HIPK2: variants seen among roughly 807,000 people sequenced by gnomAD.
HIPK2 encodes the protein homeodomain-interacting protein kinase 2.
A neutral mutation model predicts 113.7 loss-of-function variants in HIPK2; 27 were observed. The observed-to-expected ratio is 0.24, with a 90% confidence interval of 0.17 to 0.33. HIPK2 has a LOEUF of 0.33. Among genes scored for constraint, HIPK2 ranks in the 10% least tolerant of loss-of-function variants. The probability of loss-of-function intolerance (pLI) is 1.00; values close to 1 mark genes in which losing one functional copy is unlikely to be tolerated. For synonymous variants in HIPK2, 631 were observed against 642.2 expected (o/e 0.98, Z 0.26); for missense variants, 1,257 against 1,588.0 (o/e 0.79, Z 3.54).
intron 2 of HIPK2, among the ~76,000 whole-genome samples, chr7:139,634,557 A>G (rs1418415326): frequency 6.6e-6 from 1 of 151,472 alleles, no homozygotes; most frequent in East Asian, 1.9e-4. Flanking sequence ...TTCACTCATC[A>G]TTGTGTGTAA....
chr7:139,707,312 C>T (rs182017125), intron 2 of HIPK2, among the ~76,000 whole-genome samples: 1 of 152,272 alleles, frequency 6.6e-6, no homozygotes, highest in African/African-American at 2.4e-5. Context: ...AGCCCAATAC[C>T]CGCAAAGCCC....
chr7:139,753,382 T>A (rs912063224), intron 1 of HIPK2, among the ~76,000 whole-genome samples: 4 of 152,192 alleles, frequency 2.6e-5, no homozygotes, highest in African/African-American at 9.7e-5. Flanking sequence ...CCTTCCTACA[T>A]GTCACACCAT....
rs1800442159 is a variant in HIPK2, at chr7:139,626,656, G to C, written c.1564C>G (p.Leu522Val). ...GTCATGGTGACAAAGGGATGGTTCA[G>C]GGTTTCGATTGGAGTGATTCTCTTG... ...ADKRITPIET[L>V]NHPFVTMTHL... is the part of the protein sequence containing the mutation. The change falls in exon 6 of 15, where the codon CTG becomes GTG. Residue 522 changes from leucine (L) to valine (V), a missense_variant. By Grantham distance (32) the Leu-to-Val change is conservative. Transcript: ENST00000406875. 1 of 1,614,016 alleles carries C rather than the reference G, an allele frequency of 6.2e-7. No homozygotes were observed. Among genetic ancestry groups the C allele is most frequent in the South Asian group, 1.1e-5 (1 of 91,084 alleles).
intron 12 of HIPK2, among the ~76,000 whole-genome samples, chr7:139,593,521 G>C (rs1468792283): frequency 1.3e-5 from 2 of 152,192 alleles, no homozygotes; most frequent in South Asian, 2.1e-4. Context: ...AAAAATTCTA[G>C]GCTATATCAT....
chr7:139,773,523 G>A (rs1291071118), intron 1 of HIPK2, among the ~76,000 whole-genome samples: 1 of 151,520 alleles, frequency 6.6e-6, no homozygotes, highest in African/African-American at 2.4e-5. Flanking sequence ...AGAACAATAA[G>A]AAATGCTCAC....
At chr7:139,723,021 GC>G (rs1194088954) in intron 1 of HIPK2, among the ~76,000 whole-genome samples, 4 of 151,858 alleles carry the variant, frequency 2.6e-5, no homozygotes, top group African/African-American at 7.3e-5. Flanking sequence ...ATAACACCAT[GC>G]CCGGCTTCAA....
intron 2 of HIPK2, among the ~76,000 whole-genome samples, chr7:139,671,428 A>G (rs958957715): frequency 6.6e-6 from 1 of 152,240 alleles, no homozygotes; most frequent in African/African-American, 2.4e-5. Flanking sequence ...CCCTGCACCT[A>G]TCTTTACATG....
intron 1 of HIPK2, among the ~76,000 whole-genome samples, chr7:139,772,211 C>T (rs1198907799): frequency 1.3e-5 from 2 of 152,034 alleles, no homozygotes; most frequent in Non-Finnish European, 2.9e-5. Context: ...AGTGACAGCC[C>T]GATCTATATC....
At chr7:139,638,656 CTTT>C (rs1184555180) in intron 2 of HIPK2, among the ~76,000 whole-genome samples, 10 of 130,240 alleles carry the variant, frequency 7.7e-5, no homozygotes, top group Admixed American at 2.3e-4. Context: ...AAATAATTGT[CTTT>C]TTTTTTTTTT....
chr7:139,744,203 G>A (rs960635207), intron 1 of HIPK2, among the ~76,000 whole-genome samples: 10 of 152,130 alleles, frequency 6.6e-5, no homozygotes, highest in Non-Finnish European at 1.0e-4. Context: ...AGCAAAATGT[G>A]GTATATTCCT....
chr7:139,766,311 C>T (rs560189887), intron 1 of HIPK2, among the ~76,000 whole-genome samples: 1 of 152,212 alleles, frequency 6.6e-6, no homozygotes, highest in Non-Finnish European at 1.5e-5. Context: ...ATCATCTTCC[C>T]ATAACATGTT....
chr7:139,718,850 C>G (rs150319487), intron 1 of HIPK2, among the ~76,000 whole-genome samples: 1 of 152,302 alleles, frequency 6.6e-6, no homozygotes, highest in Non-Finnish European at 1.5e-5. Flanking sequence ...CTCCTCTCAC[C>G]TGTGATCAAT....
At chr7:139,730,288 G>C (rs1466227869) in intron 1 of HIPK2, among the ~76,000 whole-genome samples, 1 of 152,092 alleles carries the variant, frequency 6.6e-6, no homozygotes, top group Non-Finnish European at 1.5e-5. Context: ...GTGGCACACA[G>C]AATCAGAACT....
chr7:139,678,852 A>G (rs1361288626), intron 2 of HIPK2, among the ~76,000 whole-genome samples: 2 of 152,164 alleles, frequency 1.3e-5, no homozygotes, highest in Admixed American at 1.3e-4. Context: ...AGTGGTTTGT[A>G]GTTCTCCTTG....
At chr7:139,695,917 T>C (rs1042313995) in intron 2 of HIPK2, among the ~76,000 whole-genome samples, 4 of 150,690 alleles carry the variant, frequency 2.7e-5, no homozygotes, top group Admixed American at 6.6e-5. Context: ...CATAGCACAC[T>C]GTCTTGCTCC....
At chr7:139,648,480 G>C (rs553172512) in intron 2 of HIPK2, among the ~76,000 whole-genome samples, 3 of 152,254 alleles carry the variant, frequency 2.0e-5, no homozygotes, top group Admixed American at 1.3e-4. Flanking sequence ...TGCGGCTTTC[G>C]GGTTACACAG....
Position 139,586,288 on chromosome 7 carries a change from C to T in HIPK2, c.2718-2224G>A, listed in dbSNP as rs978300875. On this transcript the variant is annotated intron_variant, in intron 12 of 14. Transcript: ENST00000406875. ...CTCAAAAAGCTAAACACAGAGTTAC[C>T]CTATAGCAATTCCATTCCTAAGTAC... is the stretch of plus-strand genomic sequence containing the variant. Among the ~76,000 whole-genome samples, 15 of 152,228 alleles carry T rather than the reference C, an allele frequency of 9.9e-5. No homozygotes were observed. The East Asian group carries it at 2.7e-3, about 27-fold the overall frequency.
intron 12 of HIPK2, among the ~76,000 whole-genome samples, chr7:139,590,402 A>T (rs1798977513): frequency 6.6e-6 from 1 of 152,244 alleles, no homozygotes; most frequent in Non-Finnish European, 1.5e-5. Flanking sequence ...CACTGGCAGA[A>T]GATCAGATAT....
At chr7:139,749,993 C>G (rs1796254445) in intron 1 of HIPK2, among the ~76,000 whole-genome samples, 1 of 152,222 alleles carries the variant, frequency 6.6e-6, no homozygotes, top group Non-Finnish European at 1.5e-5. Context: ...GGGAGAACAT[C>G]GCTGACCGCT....
Sources: allele counts gnomAD v4.1 joint callset (sites outside exome capture counted in the v4.1 genomes callset), GRCh38; gene constraint gnomAD v4.1.1; transcripts MANE v1.5; gene names NCBI Gene and HGNC (gene_info 2026-07-23, HGNC 2026-07-21).